Variants in WDPCP observed in about 807,000 individuals in gnomAD.
WDPCP encodes the protein WD repeat containing planar cell polarity effector.
A neutral mutation model predicts 93.1 loss-of-function variants in WDPCP; 71 were observed. The observed-to-expected ratio is 0.76, with a 90% CI of 0.63 to 0.93. WDPCP has a LOEUF of 0.93. Ranked by LOEUF, WDPCP falls within the 40% of genes least tolerant of loss-of-function variation. WDPCP has a pLI of 0.00. For missense variants in WDPCP, 844 were observed against 887.4 expected (o/e 0.95, Z 0.62); for synonymous variants, 315 against 315.0 (o/e 1.00, Z 0.00).
chr2:63,809,783 G>A (rs1201123105), intron 2 of WDPCP, among the ~76,000 whole-genome samples: 6 of 152,046 alleles, frequency 3.9e-5, no homozygotes, highest in Non-Finnish European at 7.4e-5. Flanking sequence ...GCGGAAGGCC[G>A]CAGGGTCCTC....
At chr2:63,518,943 A>G (rs191676548) in intron 1 of WDPCP, 1 of 148,014 alleles carries the variant, frequency 6.8e-6, no homozygotes, top group African/African-American at 2.5e-5. Context: ...GGCCACCCCC[A>G]TATCACTTTG....
chr2:63,588,494 CAG>C (rs1187558014), upstream of WDPCP: 7 of 635,182 alleles, frequency 1.1e-5, no homozygotes, highest in African/African-American at 1.3e-4. Context: ...CCCGCCCCTC[CAG>C]AGTGTCAATC....
At chr2:63,745,274 C>T (rs59016830) in intron 2 of WDPCP, among the ~76,000 whole-genome samples, 1,939 of 152,174 alleles carry the variant, frequency 0.013, 45 homozygotes, top group African/African-American at 0.045. Flanking sequence ...TCTTAAATAA[C>T]CTTAAGTTTC....
chr2:63,519,839 C>T (rs1702803072), intron 1 of WDPCP, among the ~76,000 whole-genome samples: 1 of 152,106 alleles, frequency 6.6e-6, no homozygotes, highest in South Asian at 2.1e-4. Flanking sequence ...TTCTTACCTC[C>T]AAATCATCAT....
intron 1 of WDPCP, among the ~76,000 whole-genome samples, chr2:63,519,726 A>G (rs1224173200): frequency 6.6e-6 from 1 of 151,608 alleles, no homozygotes; most frequent in African/African-American, 2.4e-5. Context: ...GGATAAAAGA[A>G]AAAAAAAATC....
chr2:63,703,885 T>C (rs566498005), intron 2 of WDPCP, among the ~76,000 whole-genome samples: 4 of 152,312 alleles, frequency 2.6e-5, no homozygotes, highest in Admixed American at 6.5e-5. Flanking sequence ...ATAAATTACC[T>C]TGGGCAGTAT....
At chr2:63,595,281 C>G (rs529902579) in intron 3 of WDPCP, 2 of 688,498 alleles carry the variant, frequency 2.9e-6, no homozygotes, top group African/African-American at 3.5e-5. Context: ...GTGCTAGATA[C>G]CTGACCTCCT....
chr2:63,834,364 TTG>T, the WDPCP span, among the ~76,000 whole-genome samples: 1 of 152,248 alleles, frequency 6.6e-6, no homozygotes, highest in African/African-American at 2.4e-5. Flanking sequence ...TAAACTCTTG[TTG>T]TAAGTCACTG....
intron 12 of WDPCP, among the ~76,000 whole-genome samples, chr2:63,330,048 G>C (rs1441055288): frequency 2.0e-5 from 3 of 152,180 alleles, no homozygotes; most frequent in Admixed American, 6.5e-5. Flanking sequence ...GCTGCAATGA[G>C]CATGAGTATA....
At chr2:63,337,899 T>A (rs369430696) in intron 12 of WDPCP, among the ~76,000 whole-genome samples, 19 of 152,340 alleles carry the variant, frequency 1.2e-4, no homozygotes, top group African/African-American at 4.6e-4. Context: ...TGATTATTAA[T>A]CTCTTGTCAA....
At chr2:63,696,424 C>A (rs534576160) in intron 2 of WDPCP, among the ~76,000 whole-genome samples, 17 of 152,254 alleles carry the variant, frequency 1.1e-4, no homozygotes, top group African/African-American at 3.4e-4. Context: ...GATAACTACG[C>A]CCGTTCTACA....
At chr2:63,322,133 C>A (rs189395026) in intron 12 of WDPCP, among the ~76,000 whole-genome samples, 1 of 152,268 alleles carries the variant, frequency 6.6e-6, no homozygotes. Flanking sequence ...GCTTGGAGAA[C>A]TTTTCTGTCT....
chr2:63,593,647 G>A (rs1709244966), upstream of WDPCP: 1 of 471,690 alleles, frequency 2.1e-6, no homozygotes, highest in Non-Finnish European at 4.4e-6. Context: ...AAAGGTGACA[G>A]TGGAAGTACA....
intron 2 of WDPCP, among the ~76,000 whole-genome samples, chr2:63,805,394 A>C (rs80077579): frequency 0.025 from 3,785 of 152,332 alleles, 157 homozygotes; most frequent in African/African-American, 0.086. Context: ...TAAATGAGCT[A>C]GCTAATATTT....
At chr2:63,453,633 A>G (rs897666519) in intron 6 of WDPCP, among the ~76,000 whole-genome samples, 1 of 152,200 alleles carries the variant, frequency 6.6e-6, no homozygotes, top group Non-Finnish European at 1.5e-5. Flanking sequence ...TGCTATAAAG[A>G]CACATGCACA....
chr2:63,156,328 T>A (rs140472950), intron 15 of WDPCP, among the ~76,000 whole-genome samples: 26 of 152,306 alleles, frequency 1.7e-4, no homozygotes, highest in African/African-American at 5.1e-4. Flanking sequence ...TCTTAAGTTT[T>A]TAGCATACAG....
chr2:63,420,092 T>C (rs905175725), intron 9 of WDPCP, among the ~76,000 whole-genome samples: 2 of 152,184 alleles, frequency 1.3e-5, no homozygotes, highest in Non-Finnish European at 1.5e-5. Context: ...GTACACTTTA[T>C]TTTTACTTTT....
At chr2:63,651,332 A>G (rs1188622135) in intron 2 of WDPCP, among the ~76,000 whole-genome samples, 1 of 152,184 alleles carries the variant, frequency 6.6e-6, no homozygotes. Context: ...AAATAAAGGT[A>G]GTGTACAGTT....
At chr2:63,141,410 T>C (rs1671053391) in intron 17 of WDPCP, among the ~76,000 whole-genome samples, 1 of 152,192 alleles carries the variant, frequency 6.6e-6, no homozygotes, top group African/African-American at 2.4e-5. Flanking sequence ...CTGTGGTGTA[T>C]CACATTTATT....
Sources: gnomAD v4.1 joint callset for allele counts (sites outside exome capture counted in the v4.1 genomes callset) on GRCh38, gnomAD v4.1.1 for gene constraint, MANE v1.5 for transcripts, NCBI Gene and HGNC (gene_info 2026-07-23, HGNC 2026-07-21) for gene names.